Variants in PBRM1 observed in about 807,000 individuals in gnomAD.
PBRM1 encodes the protein polybromo 1.
In PBRM1, 27 loss-of-function variants were observed where a neutral mutation model predicts 194.5. That is an observed-to-expected ratio of 0.14 (90% confidence interval 0.10 to 0.19). PBRM1 has a LOEUF of 0.19. PBRM1 is among the 10% of genes least tolerant of loss of function. The pLI, the probability that PBRM1 is intolerant of heterozygous loss-of-function variation, is 1.00. For synonymous variants in PBRM1, 655 were observed against 693.2 expected, an observed-to-expected ratio of 0.94 and a Z score of 0.87; for missense variants, 1,466 against 2,077.2, an observed-to-expected ratio of 0.71 and a Z score of 5.72.
At chr3:52,614,571 C>CTT (rs755634978) in intron 15 of PBRM1, among the ~76,000 whole-genome samples, 21 of 137,502 alleles carry the variant, frequency 1.5e-4, no homozygotes, top group Non-Finnish European at 1.6e-4. Flanking sequence ...TTTTTCTTCC[C>CTT]TTTTTTTTTT....
At chr3:52,582,522 G>T (rs2091505573) in intron 20 of PBRM1, among the ~76,000 whole-genome samples, 2 of 148,022 alleles carry the variant, frequency 1.4e-5, no homozygotes, top group Non-Finnish European at 3.0e-5. Flanking sequence ...TGATTCTCCT[G>T]CCTCAGCCTC....
At chr3:52,576,824 T>C (rs532321413) in intron 21 of PBRM1, 126 bp from the exon 24 acceptor site, 3 of 552,498 alleles carry the variant, frequency 5.4e-6, no homozygotes, top group Non-Finnish European at 9.2e-6. Context: ...CTGGCTGTTT[T>C]GGTAAGACAA....
At chr3:52,591,525 T>G (rs1258613375) in intron 17 of PBRM1, among the ~76,000 whole-genome samples, 1 of 139,076 alleles carries the variant, frequency 7.2e-6, no homozygotes, top group African/African-American at 2.7e-5. Context: ...TTTTTTTTTT[T>G]TTTTTTTTTT....
intron 13 of PBRM1, among the ~76,000 whole-genome samples, chr3:52,623,889 T>C (rs1003541503): frequency 6.6e-6 from 1 of 152,214 alleles, no homozygotes; most frequent in African/African-American, 2.4e-5. Flanking sequence ...TGCCATACAT[T>C]ATGAATGATA....
intron 22 of PBRM1, among the ~76,000 whole-genome samples, chr3:52,572,379 C>A (rs1559970985): frequency 6.8e-6 from 1 of 147,368 alleles, no homozygotes; most frequent in African/African-American, 2.5e-5. Flanking sequence ...TGTTTAAGTT[C>A]TTTTTTTTTT....
At chr3:52,562,316 G>T (rs1466557527) in intron 24 of PBRM1, among the ~76,000 whole-genome samples, 1 of 116,878 alleles carries the variant, frequency 8.6e-6, no homozygotes, top group African/African-American at 3.5e-5. Context: ...GACAGAGCAA[G>T]ACTCTGTCTC....
At chr3:52,643,875 G>A (rs552432627) in intron 8 of PBRM1, among the ~76,000 whole-genome samples, 25 of 152,194 alleles carry the variant, frequency 1.6e-4, no homozygotes, top group Admixed American at 3.3e-4. Flanking sequence ...GGGAGGCTAA[G>A]GCAAAAGAAT....
rs755388331 is a variant in PBRM1, at chr3:52,651,830, G to C, written c.646-20C>G. ...ATATTGCTGGAAGACAAAAAACCAG[G>C]CATGCTCAATAAGTTAAACTATTCA... On this transcript the variant is annotated intron_variant, in intron 5 of 29. Transcript: ENST00000296302. 2 of 1,525,712 alleles carry C rather than the reference G, an allele frequency of 1.3e-6. No homozygotes were observed. The highest frequency in any genetic ancestry group is 1.4e-5 in the African/African-American group (1 of 72,446). 94.5% of individuals were successfully genotyped at this position (1,525,712 alleles called of 1,614,324 possible).
exon 20 of PBRM1, chr3:52,586,673 A>C: frequency 6.2e-7 from 1 of 1,609,392 alleles, no homozygotes; most frequent in South Asian, 1.1e-5. Context: ...TTTTCTGGGC[A>C]TAACTTAAAG....
At chr3:52,581,909 T>A (rs2091311849) in intron 20 of PBRM1, among the ~76,000 whole-genome samples, 1 of 152,144 alleles carries the variant, frequency 6.6e-6, no homozygotes, top group Non-Finnish European at 1.5e-5. Flanking sequence ...GTGATGGGAT[T>A]ACAGGCATGA....
intron 22 of PBRM1, among the ~76,000 whole-genome samples, chr3:52,576,092 A>C (rs2089503139): frequency 6.6e-6 from 1 of 152,138 alleles, no homozygotes; most frequent in African/African-American, 2.4e-5. Flanking sequence ...GAGACCTGTG[A>C]GGCACCATTA....
intron 22 of PBRM1, among the ~76,000 whole-genome samples, 158 bp from the exon 25 acceptor site, chr3:52,564,391 A>G (rs1467074318): frequency 6.6e-6 from 1 of 152,232 alleles, no homozygotes; most frequent in Non-Finnish European, 1.5e-5. Context: ...CTGTAATCTC[A>G]GCACTTTGAG....
intron 7 of PBRM1, among the ~76,000 whole-genome samples, chr3:52,645,775 T>C (rs898818993): frequency 2.1e-4 from 32 of 152,226 alleles, no homozygotes; most frequent in African/African-American, 7.5e-4. Flanking sequence ...TGAGACCAGA[T>C]AGGACAGAAG....
chr3:52,587,236 G>A (rs1414792252), intron 19 of PBRM1, 117 bp downstream of exon 21: 2 of 811,062 alleles, frequency 2.5e-6, no homozygotes, highest in Non-Finnish European at 4.0e-6. Flanking sequence ...TATAGACACG[G>A]CTTAAAAAAT....
chr3:52,582,425 T>TTTC (rs1187106317), intron 20 of PBRM1, among the ~76,000 whole-genome samples: 8 of 149,684 alleles, frequency 5.3e-5, no homozygotes, highest in Non-Finnish European at 1.0e-4. Context: ...TTTTTTTTTT[T>TTTC]TTCAGACGGA....
intron 17 of PBRM1, among the ~76,000 whole-genome samples, chr3:52,592,053 C>T (rs1018694894): frequency 2.0e-5 from 3 of 151,188 alleles, no homozygotes; most frequent in African/African-American, 7.3e-5. Flanking sequence ...TCTTGAACTC[C>T]TGACCTTGTG....
At chr3:52,625,577 T>TC (rs200916760) in intron 13 of PBRM1, among the ~76,000 whole-genome samples, 15 of 147,230 alleles carry the variant, frequency 1.0e-4, no homozygotes, top group African/African-American at 3.5e-4. Context: ...ATGCTTAACT[T>TC]TTTTTTTTTT....
upstream of PBRM1, among the ~76,000 whole-genome samples, chr3:52,684,279 G>T (rs983789034): frequency 7.3e-5 from 11 of 151,192 alleles, no homozygotes; most frequent in African/African-American, 2.7e-4. Flanking sequence ...GTTTTAAAAT[G>T]GCCTTGATTA....
At chr3:52,584,563 C>A (rs1230839060) in intron 20 of PBRM1, among the ~76,000 whole-genome samples, 1 of 141,602 alleles carries the variant, frequency 7.1e-6, no homozygotes, top group Non-Finnish European at 1.5e-5. Flanking sequence ...TCATGGGATA[C>A]CCCCATCTCA....
Sources: gnomAD v4.1 joint callset for allele counts (sites outside exome capture counted in the v4.1 genomes callset) on GRCh38, gnomAD v4.1.1 for gene constraint, MANE v1.5 for transcripts, NCBI Gene and HGNC (gene_info 2026-07-23, HGNC 2026-07-21) for gene names.